CFAP47: variants seen among roughly 807,000 people sequenced by gnomAD.
CFAP47 encodes cilia and flagella associated protein 47.
CFAP47 carries 29 observed loss-of-function variants against 148.1 expected under a neutral mutation model. The observed-to-expected ratio is 0.20, with a 90% CI of 0.15 to 0.27. The LOEUF (loss-of-function observed/expected upper bound fraction) is 0.27. CFAP47 is among the 10% of genes least tolerant of loss of function. The probability of loss-of-function intolerance (pLI) is 1.00; values close to 1 mark genes in which losing one functional copy is unlikely to be tolerated. For synonymous variants in CFAP47, 664 were observed against 577.3 expected, an observed-to-expected ratio of 1.15 and a Z score of -2.15; for missense variants, 1,872 against 1,697.5, an observed-to-expected ratio of 1.10 and a Z score of -1.81.
chrX:36,070,494 TC>T (rs1280150005), intron 27 of CFAP47, among the ~76,000 whole-genome samples: 1 of 104,185 alleles, frequency 9.6e-6, no homozygotes, highest in Non-Finnish European at 1.9e-5. Context: ...CTTTTTCTTT[TC>T]CTTTTTTTTT....
intron 45 of CFAP47, among the ~76,000 whole-genome samples, chrX:36,212,370 T>A (rs1555989618): frequency 9.0e-6 from 1 of 111,576 alleles, no homozygotes; most frequent in African/African-American, 3.3e-5. Flanking sequence ...ACAAGATTAT[T>A]TTGCTTATTC....
rs1443238059 is a variant in CFAP47 at position 36,224,072 on chromosome X, T to C, written c.6818-4556T>C. 3.6e-5 allele frequency among the ~76,000 whole-genome samples: 4 copies of C among 111,494 alleles called. No homozygotes were observed. The East Asian group carries it at 1.1e-3, about 31-fold the overall frequency. ...TGTTCTTAAATAGTTGGGAGGATAT[T>C]AAAATAATGCTTATGTCTTAACTTT... On this transcript the variant is annotated intron_variant, in intron 45 of 63. Transcript: ENST00000378653.
chrX:35,997,022 G>A (rs1338368058), intron 18 of CFAP47, among the ~76,000 whole-genome samples: 1 of 111,387 alleles, frequency 9.0e-6, no homozygotes, highest in African/African-American at 3.3e-5. Context: ...AAATTGTACT[G>A]CAAGGAGTGG....
Position 36,149,238 on chromosome X carries a change from T to A in CFAP47, c.5786+15T>A, listed in dbSNP as rs762187041. On this transcript the variant is annotated intron_variant, in intron 37 of 63. Transcript: ENST00000378653. ...ATTTCTCCAAGGTAAGTATTTTTTT[T>A]AATTTTACATTATCAGACATATCAA... 13 of 289,518 alleles carry A rather than the reference T, an allele frequency of 4.5e-5. No individual in the cohort carries two copies. The South Asian group carries it at 1.1e-3, about 23-fold the overall frequency. The allele number at this position is 289,518 out of a possible 1,213,427, so 23.9% of individuals were successfully genotyped here.
At chrX:35,977,361 T>C (rs1183270255) in intron 15 of CFAP47, among the ~76,000 whole-genome samples, 2 of 112,060 alleles carry the variant, frequency 1.8e-5, no homozygotes, top group Admixed American at 9.5e-5. Flanking sequence ...CTCTAATGCC[T>C]GGCAAAGAGT....
chrX:36,362,894 T>C (rs1222576334), intron 61 of CFAP47, among the ~76,000 whole-genome samples: 1 of 111,945 alleles, frequency 8.9e-6, no homozygotes, highest in African/African-American at 3.2e-5. Flanking sequence ...TTTTCTTTCA[T>C]TTTTCACAGT....
At chrX:35,962,472 G>T (rs1936344008) in intron 8 of CFAP47, among the ~76,000 whole-genome samples, 1 of 110,708 alleles carries the variant, frequency 9.0e-6, no homozygotes, top group African/African-American at 3.3e-5. Flanking sequence ...CCTCACTTTT[G>T]TCAGTTTTTT....
chrX:35,931,911 G>A (rs1287592169), intron 2 of CFAP47, among the ~76,000 whole-genome samples: 3 of 110,827 alleles, frequency 2.7e-5, no homozygotes, highest in Admixed American at 9.6e-5. Flanking sequence ...AACTTATGAG[G>A]AAAAATATAG....
rs911242324 is a variant in CFAP47, at chrX:36,242,253, C to T, written c.7332+5394C>T. ...AATCAATGCAAGAACTTTGGCAATTCGAAAACCAGAGCGTCTTCTTACCTC... is the reference window on the plus strand; with the variant it reads ...AATCAATGCAAGAACTTTGGCAATTTGAAAACCAGAGCGTCTTCTTACCTC... On this transcript the variant is annotated intron_variant, in intron 48 of 63. Coordinates refer to ENST00000378653, the MANE Select transcript of CFAP47 (RefSeq NM_001304548.2). Among the ~76,000 whole-genome samples, 8 of 112,028 alleles carry T rather than the reference C, an allele frequency of 7.1e-5. No individual in the cohort carries two copies. The Admixed American group carries it at 7.6e-4, about 11-fold the overall frequency.
At position 36,073,321 on chromosome X, in the gene CFAP47, C is replaced by A; in HGVS notation, c.4648C>A (p.Pro1550Thr). The change falls in exon 29 of 64, where the codon CCT (proline) becomes ACT (threonine). Residue 1550 changes from proline (P) to threonine (T), a missense_variant. Pro to Thr is a conservative substitution (Grantham distance 38, BLOSUM62 -1). Transcript: ENST00000378653. The stretch of plus-strand genomic sequence containing the variant: ...GACCTGGTTCAGTCTCTTTGGCTGG[C>A]CTGAAGGACCCCATTCTTTTTCTAT... The part of the protein sequence containing the change: ...AQTWFSLFGW[P>T]EGPHSFSIPE... 1 of 1,207,822 alleles carries A rather than the reference C, an allele frequency of 8.3e-7. No homozygotes were observed. Among genetic ancestry groups the A allele is most frequent in the Non-Finnish European group, 1.1e-6 (1 of 892,545 alleles).
intron 46 of CFAP47, among the ~76,000 whole-genome samples, chrX:36,230,495 AG>A (rs1438642081): frequency 9.6e-6 from 1 of 103,683 alleles, no homozygotes; most frequent in Non-Finnish European, 1.9e-5. Flanking sequence ...AGTTCATTGT[AG>A]AATCTGGATA....
intron 36 of CFAP47, 27 bp downstream of exon 36, chrX:36,145,380 T>C (rs66538133): frequency 0.055 from 16,029 of 292,872 alleles, 1,305 homozygotes; most frequent in African/African-American, 0.3. Flanking sequence ...GGTCAAAATG[T>C]GTAAGGAGTT....
intron 1 of CFAP47, among the ~76,000 whole-genome samples, chrX:35,924,100 T>C (rs922941360): frequency 9.8e-6 from 1 of 101,533 alleles, no homozygotes; most frequent in African/African-American, 3.8e-5. Flanking sequence ...CGTACATATA[T>C]GTATATATGT....
At chrX:36,285,304 G>T (rs1193320713) in intron 50 of CFAP47, among the ~76,000 whole-genome samples, 2 of 111,147 alleles carry the variant, frequency 1.8e-5, no homozygotes, top group African/African-American at 6.5e-5. Flanking sequence ...AAAAAAGATT[G>T]GTTATTACTT....
intron 2 of CFAP47, among the ~76,000 whole-genome samples, chrX:35,934,952 A>G (rs5973547): frequency 0.35 from 38,360 of 109,711 alleles, 8,805 homozygotes; most frequent in African/African-American, 0.84. Context: ...ACAAAGTCCT[A>G]TTTATTCTTG....
At chrX:36,067,398 G>A (rs776860017) in intron 27 of CFAP47, among the ~76,000 whole-genome samples, 1 of 111,307 alleles carries the variant, frequency 9.0e-6, no homozygotes, top group Non-Finnish European at 1.9e-5. Context: ...GTCCATACAG[G>A]TGCCAAATCC....
intron 26 of CFAP47, among the ~76,000 whole-genome samples, chrX:36,059,755 T>C (rs1239247307): frequency 8.9e-6 from 1 of 111,982 alleles, no homozygotes; most frequent in East Asian, 2.8e-4. Flanking sequence ...ATGATTTGGA[T>C]ATGGTTTGTT....
intron 49 of CFAP47, among the ~76,000 whole-genome samples, chrX:36,262,101 A>G (rs1209946808): frequency 1.8e-5 from 2 of 112,346 alleles, no homozygotes; most frequent in Non-Finnish European, 3.8e-5. Context: ...TTGTGGGTAC[A>G]TAGTAGTTGT....
At chrX:35,974,739 A>G (rs186275169) in intron 13 of CFAP47, among the ~76,000 whole-genome samples, 106 of 111,692 alleles carry the variant, frequency 9.5e-4, no homozygotes, top group African/African-American at 3.4e-3. Context: ...AATCCTGGGC[A>G]TTTTAAGGGG....
Sources: allele counts gnomAD v4.1 joint callset (sites outside exome capture counted in the v4.1 genomes callset), GRCh38; gene constraint gnomAD v4.1.1; transcripts MANE v1.5; gene names NCBI Gene and HGNC (gene_info 2026-07-23, HGNC 2026-07-21).